RFC3: variants seen among roughly 807,000 people sequenced by gnomAD.
The protein encoded by RFC3 is A1 38 kDa subunit.
RFC3 carries 41 observed loss-of-function variants against 45.1 expected under a neutral mutation model. The ratio of observed to expected loss-of-function variants is 0.91; its 90% confidence interval spans 0.71 to 1.18. The LOEUF is 1.18. Among genes scored for constraint, RFC3 ranks in the 50% most tolerant of loss-of-function variants. The probability of loss-of-function intolerance (pLI) is 0.00; values close to 1 mark genes in which losing one functional copy is unlikely to be tolerated. For missense variants in RFC3, 423 were observed against 428.1 expected, an observed-to-expected ratio of 0.99 and a Z score of 0.10; for synonymous variants, 149 against 144.0, an observed-to-expected ratio of 1.03 and a Z score of -0.25.
chr13:33,883,789 G>C (rs2082501612), intron 8 of RFC3, among the ~76,000 whole-genome samples: 1 of 152,202 alleles, frequency 6.6e-6, no homozygotes, highest in Non-Finnish European at 1.5e-5. Context: ...TTCAGAGCGT[G>C]GAGAGTGGGA....
chr13:33,971,049 TA>T (rs368759572), downstream of RFC3, among the ~76,000 whole-genome samples: 2,195 of 151,948 alleles, frequency 0.014, 49 homozygotes, highest in African/African-American at 0.047. Context: ...CCTTTTTTAT[TA>T]AAAAAAATAT....
chr13:33,829,041 T>C (rs1471025992), intron 4 of RFC3, among the ~76,000 whole-genome samples: 2 of 152,240 alleles, frequency 1.3e-5, no homozygotes, highest in Non-Finnish European at 1.5e-5. Flanking sequence ...TTCTGTATAA[T>C]GTTCATGGGT....
At chr13:33,844,861 C>G (rs1322255979) in intron 8 of RFC3, among the ~76,000 whole-genome samples, 8 of 152,172 alleles carry the variant, frequency 5.3e-5, no homozygotes, top group African/African-American at 1.4e-4. Flanking sequence ...TATGTACTTA[C>G]TATTGCCAGT....
chr13:33,943,633 T>C lies in RFC3; in HGVS notation c.880-22454T>C, dbSNP rs184805569. On this transcript the variant is annotated intron_variant, in intron 8 of 8. Coordinates refer to the RFC3 transcript ENST00000434425. ...ACAATTAATACGTATCAGTCAAAAA[T>C]AAAAGATGTTGGATGGGGCTGAAAT... Among the ~76,000 whole-genome samples, 532 of 152,266 alleles carry C rather than the reference T, an allele frequency of 3.5e-3. 2 individuals carry two copies. Among genetic ancestry groups the C allele is most frequent in the African/African-American group, 0.012 (500 of 41,556 alleles).
intron 8 of RFC3, among the ~76,000 whole-genome samples, chr13:33,937,207 T>A (rs992110309): frequency 6.6e-6 from 1 of 152,176 alleles, no homozygotes; most frequent in African/African-American, 2.4e-5. Flanking sequence ...TATGTTTAGA[T>A]ATACAAATAC....
chr13:33,818,232 T>C lies in RFC3; in HGVS notation c.54T>C (p.Tyr18=), dbSNP rs2139364859. 1 of 1,613,610 alleles carries C rather than the reference T, an allele frequency of 6.2e-7. No homozygotes were observed. The highest frequency in any genetic ancestry group is 8.5e-7 in the Non-Finnish European group (1 of 1,179,952). The change falls in exon 1 of 9, where the codon TAT becomes TAC. Residue 18 remains tyrosine (Y), a synonymous_variant. Transcript: ENST00000380071. The stretch of plus-strand genomic sequence containing the variant: ...CCTGCTCCTTGGGACGGCTGGACTA[T>C]CACAAGGAGCAGGCGGCCCAGCTGC... ...YRPCSLGRLD[Y]HKEQAAQLRN...
chr13:33,855,046 T>C (rs1162164635), intron 8 of RFC3, among the ~76,000 whole-genome samples: 2 of 152,024 alleles, frequency 1.3e-5, no homozygotes, highest in African/African-American at 4.8e-5. Flanking sequence ...TAGCGACAAA[T>C]GAGCTTAAAC....
intron 8 of RFC3, among the ~76,000 whole-genome samples, chr13:33,878,878 A>G (rs1180121798): frequency 1.3e-5 from 2 of 152,104 alleles, no homozygotes; most frequent in Admixed American, 1.3e-4. Context: ...TTGCATTTTA[A>G]CATTGGCCTT....
chr13:33,858,093 G>C (rs1201656681), intron 8 of RFC3, among the ~76,000 whole-genome samples: 1 of 152,202 alleles, frequency 6.6e-6, no homozygotes, highest in Non-Finnish European at 1.5e-5. Flanking sequence ...TAAGGATGGA[G>C]CGGAAGGGAC....
Position 33,829,881 on chromosome 13 carries a change from A to G in RFC3, c.437A>G (p.His146Arg). 6.2e-7 allele frequency: 1 copy of G among 1,614,190 alleles called. No homozygotes were observed. Among genetic ancestry groups the G allele is most frequent in the Non-Finnish European group, 8.5e-7 (1 of 1,180,002 alleles). Residue 146 changes from histidine (H) to arginine (R), a missense_variant, in exon 5 of 9, where the codon CAT becomes CGT. Physicochemically the swap from His to Arg is conservative, Grantham distance 29. Coordinates refer to ENST00000380071, the MANE Select transcript of RFC3 (RefSeq NM_002915.4). ...EVDKLTKDAQ[H>R]ALRRTMEKYM... Reference sequence around the variant, plus strand: ...GACAAACTCACCAAAGATGCTCAGCATGCCTTGCGAAGAACCATGGAAAAA... The same window carrying G: ...GACAAACTCACCAAAGATGCTCAGCGTGCCTTGCGAAGAACCATGGAAAAA...
chr13:33,930,231 G>T (rs778219328), intron 8 of RFC3, among the ~76,000 whole-genome samples: 20 of 152,004 alleles, frequency 1.3e-4, no homozygotes, highest in African/African-American at 4.3e-4. Context: ...GTGAAGTCCC[G>T]CAATAGGCCG....
At chr13:33,868,505 C>T (rs1462683255) in intron 8 of RFC3, among the ~76,000 whole-genome samples, 1 of 152,222 alleles carries the variant, frequency 6.6e-6, no homozygotes, top group African/African-American at 2.4e-5. Context: ...ACCAATCAGG[C>T]TGGTCATGGG....
chr13:33,871,429 A>G (rs1335606545), intron 8 of RFC3, among the ~76,000 whole-genome samples: 2 of 152,064 alleles, frequency 1.3e-5, no homozygotes, highest in Non-Finnish European at 2.9e-5. Flanking sequence ...GTATCCCTCC[A>G]ACTTCTTGCT....
At chr13:33,860,612 C>T (rs943829842) in intron 8 of RFC3, among the ~76,000 whole-genome samples, 1 of 152,076 alleles carries the variant, frequency 6.6e-6, no homozygotes, top group South Asian at 2.1e-4. Context: ...CCGCATGTGT[C>T]CCAGGCAGCC....
At chr13:33,943,847 T>C (rs2082939011) in intron 8 of RFC3, among the ~76,000 whole-genome samples, 1 of 152,164 alleles carries the variant, frequency 6.6e-6, no homozygotes, top group Admixed American at 6.5e-5. Flanking sequence ...TTTACCATAT[T>C]GTATTGGTTA....
Position 33,834,292 on chromosome 13 carries a change from C to CTGTG in RFC3, c.810-852_810-849dup, listed in dbSNP as rs200557958. On this transcript the variant is annotated intron_variant, in intron 7 of 8. Transcript: ENST00000380071. ...TTATCTGAAGTATGGAACATCTGTACTGTGTGTATATATATATATATATAT... is the reference window on the plus strand; with the variant it reads ...TTATCTGAAGTATGGAACATCTGTACTGTGTGTGTGTATATATATATATATATAT... 4.8e-3 allele frequency among the ~76,000 whole-genome samples: 319 copies of CTGTG among 65,802 alleles called. 12 individuals are homozygous for CTGTG. The highest frequency in any genetic ancestry group is 0.027 in the East Asian group (65 of 2,412). 43.2% of individuals were successfully genotyped at this position (65,802 alleles called of 152,430 possible). A position where few individuals can be genotyped will look rare whatever the true frequency, so the allele number is the denominator to read the frequency against.
intron 8 of RFC3, among the ~76,000 whole-genome samples, chr13:33,880,058 C>T (rs1006566314): frequency 6.6e-6 from 1 of 152,234 alleles, no homozygotes. Flanking sequence ...CAATCTTTCC[C>T]ATTCAAGATC....
rs2082000074 is a variant in RFC3 at position 33,821,178 on chromosome 13, G to A, written c.134G>A (p.Gly45Asp). 2 of 1,613,684 alleles carry A rather than the reference G, an allele frequency of 1.2e-6. No homozygotes were observed. Among genetic ancestry groups the A allele is most frequent in the Non-Finnish European group, 1.7e-6 (2 of 1,179,714 alleles). The change falls in exon 2 of 9, where the codon GGT becomes GAT. Residue 45 changes from glycine to aspartate, a missense_variant. Physicochemically the swap from Gly to Asp is moderately conservative, Grantham distance 94. Coordinates refer to ENST00000380071, the MANE Select transcript of RFC3 (RefSeq NM_002915.4). ...CATCTGTTAGTGTACGGACCATCAGGTGCTGGAAAAAAGACAAGAATTATG... is the reference window on the plus strand; with the variant it reads ...CATCTGTTAGTGTACGGACCATCAGATGCTGGAAAAAAGACAAGAATTATG... ...FPHLLVYGPS[G>D]AGKKTRIMCI...
At chr13:33,918,909 G>T (rs2082750160) in intron 8 of RFC3, among the ~76,000 whole-genome samples, 1 of 152,148 alleles carries the variant, frequency 6.6e-6, no homozygotes, top group South Asian at 2.1e-4. Context: ...AATGGTGACA[G>T]CTCCAGCTTA....
Sources: gnomAD v4.1 joint callset for allele counts (sites outside exome capture counted in the v4.1 genomes callset) on GRCh38, gnomAD v4.1.1 for gene constraint, MANE v1.5 for transcripts, NCBI Gene and HGNC (gene_info 2026-07-23, HGNC 2026-07-21) for gene names.